The following PGM2L1 variants were observed in gnomAD, a reference collection of about 807,000 sequenced individuals.
PGM2L1 encodes glucose 1,6-bisphosphate synthase.
PGM2L1 carries 35 observed loss-of-function variants against 73.4 expected under a neutral mutation model. That is an observed-to-expected ratio of 0.48 (90% CI 0.36 to 0.63). The LOEUF is 0.63. PGM2L1 is among the 30% of genes least tolerant of loss of function. The probability of loss-of-function intolerance (pLI) is 0.00; values close to 1 mark genes in which losing one functional copy is unlikely to be tolerated. For synonymous variants in PGM2L1, 225 were observed against 253.8 expected (o/e 0.89, Z 1.08); for missense variants, 570 against 742.0 (o/e 0.77, Z 2.69).
intron 5 of PGM2L1, among the ~76,000 whole-genome samples, chr11:74,367,913 C>T (rs916843661): frequency 6.6e-6 from 1 of 152,162 alleles, no homozygotes; most frequent in Non-Finnish European, 1.5e-5. Context: ...GGTATGTCTG[C>T]AGTCCTCCAA....
Position 74,342,452 on chromosome 11 carries a change from G to A in PGM2L1, c.1632+9C>T. On this transcript the variant is annotated intron_variant, in intron 12 of 13. Transcript: ENST00000298198. ...TCTAAATTGTTTGGAAAAAAAAAAA[G>A]GTACTTACTGATTTCTTATTAGGCT... 2.9e-6 allele frequency: 4 copies of A among 1,402,750 alleles called. No homozygotes were observed. The highest frequency in any genetic ancestry group is 2.8e-6 in the Non-Finnish European group (3 of 1,067,638). The allele number at this position is 1,402,750 out of a possible 1,614,324, so 86.9% of individuals were successfully genotyped here.
chr11:74,374,644 T>C, intron 1 of PGM2L1, 62 bp from the exon 2 acceptor site: 1 of 1,427,678 alleles, frequency 7.0e-7, no homozygotes. Flanking sequence ...TATTAAGCCC[T>C]TCTGAGGGGT....
chr11:74,352,201 G>C (rs538949848), intron 5 of PGM2L1, among the ~76,000 whole-genome samples: 10 of 152,130 alleles, frequency 6.6e-5, no homozygotes, highest in African/African-American at 2.4e-4. Context: ...ATATGCATAT[G>C]CCATAGTATC....
chr11:74,346,694 A>C, intron 8 of PGM2L1, 38 bp downstream of exon 8: 1 of 1,512,042 alleles, frequency 6.6e-7, no homozygotes, highest in Non-Finnish European at 9.2e-7. Flanking sequence ...TTGCTTTTCA[A>C]AGTTCAAGCT....
At chr11:74,353,115 C>T (rs958847391) in intron 5 of PGM2L1, among the ~76,000 whole-genome samples, 14 of 152,066 alleles carry the variant, frequency 9.2e-5, no homozygotes. Flanking sequence ...GAAACTGCCC[C>T]CAGTCAGTGA....
Position 74,398,074 on chromosome 11 carries a change from C to T in PGM2L1, c.88G>A (p.Gly30Arg). The change falls in exon 1 of 14, where the codon GGG (glycine) becomes AGG (arginine). Residue 30 changes from glycine (G) to arginine (R), a missense_variant. By Grantham distance (125) the Gly-to-Arg change is moderately radical. Coordinates refer to ENST00000298198, the MANE Select transcript of PGM2L1 (RefSeq NM_173582.6). The stretch of plus-strand genomic sequence containing the variant: ...ACCTTATCCCAGCGGAGCCACTGCC[C>T]GATGGCCGTGTCCAGCTGAGGGTCC... ...TGDPQLDTAI[G>R]QWLRWDKNPK... The T allele has an allele frequency of 1.2e-6, 2 of 1,611,642 alleles. No homozygotes were observed. Among genetic ancestry groups the T allele is most frequent in the Non-Finnish European group, 1.7e-6 (2 of 1,178,628 alleles).
intron 5 of PGM2L1, among the ~76,000 whole-genome samples, chr11:74,363,046 C>A (rs1417540895): frequency 6.6e-6 from 1 of 152,144 alleles, no homozygotes; most frequent in Non-Finnish European, 1.5e-5. Context: ...GTCTCTCAGA[C>A]CACAGTGCAA....
At position 74,393,817 on chromosome 11, in the gene PGM2L1, C is replaced by A. The variant is rs541626764; in HGVS notation, c.111+4234G>T. On this transcript the variant is annotated intron_variant, in intron 1 of 13. Transcript: ENST00000298198. Reference sequence around the variant, plus strand: ...CCCAGCTCTATTCCCCATCCAGCCACTGACCCCATCCACTTTGCCAGTGCC... The same window carrying A: ...CCCAGCTCTATTCCCCATCCAGCCAATGACCCCATCCACTTTGCCAGTGCC... Among the ~76,000 whole-genome samples, 6 of 152,334 alleles carry A rather than the reference C, an allele frequency of 3.9e-5. No individual in the cohort carries two copies. The East Asian group carries it at 1.2e-3, about 29-fold the overall frequency.
intron 5 of PGM2L1, chr11:74,355,016 A>T: frequency 7.7e-7 from 1 of 1,290,490 alleles, no homozygotes; most frequent in East Asian, 2.3e-5. Flanking sequence ...CTAGTGCTTC[A>T]TCCAGCCAAA....
At chr11:74,368,633 C>T in intron 4 of PGM2L1, 58 bp from the exon 5 acceptor site, 1 of 1,363,146 alleles carries the variant, frequency 7.3e-7, no homozygotes, top group Non-Finnish European at 1.0e-6. Context: ...ACACATTTGA[C>T]ATGAGAATAA....
Position 74,346,223 on chromosome 11 carries a change from C to CATT in PGM2L1, c.1037+506_1037+508dup, listed in dbSNP as rs1398325559. ...AGGCTGCAGTGAGCCAAGATAGCAC[C>CATT]ATTGCACTCCACTCCAGCCTAAGCA... On this transcript the variant is annotated intron_variant, in intron 8 of 13. Coordinates refer to ENST00000298198, the MANE Select transcript of PGM2L1 (RefSeq NM_173582.6). Among the ~76,000 whole-genome samples the CATT allele has an allele frequency of 1.8e-4, 23 of 129,176 alleles. No individual in the cohort carries two copies. The Admixed American group carries it at 2.1e-3, about 12-fold the overall frequency. The allele number at this position is 129,176 out of a possible 152,430, so 84.7% of individuals were successfully genotyped here. A position where few individuals can be genotyped will look rare whatever the true frequency, so the allele number is the denominator to read the frequency against.
intron 12 of PGM2L1, among the ~76,000 whole-genome samples, chr11:74,342,028 A>G (rs1862190375): frequency 1.3e-5 from 2 of 152,210 alleles, no homozygotes; most frequent in African/African-American, 4.8e-5. Context: ...GAGGGGAACT[A>G]GAGGTTGCTT....
intron 13 of PGM2L1, 75 bp downstream of exon 13, chr11:74,338,393 G>A: frequency 7.6e-7 from 1 of 1,311,966 alleles, no homozygotes; most frequent in South Asian, 2.0e-5. Flanking sequence ...CATTTTAAGT[G>A]CGTGAGCTGT....
chr11:74,364,150 G>T (rs1862613724), intron 5 of PGM2L1, among the ~76,000 whole-genome samples: 1 of 152,152 alleles, frequency 6.6e-6, no homozygotes, highest in Admixed American at 6.5e-5. Flanking sequence ...AAAGGCCTTT[G>T]ACAAAATTCA....
chr11:74,341,552 C>T (rs1369276049), intron 12 of PGM2L1, among the ~76,000 whole-genome samples: 4 of 151,876 alleles, frequency 2.6e-5, no homozygotes, highest in East Asian at 1.9e-4. Flanking sequence ...ATTAGTCAGG[C>T]GTGGTGACAT....
chr11:74,366,439 C>A, intron 5 of PGM2L1, among the ~76,000 whole-genome samples: 2 of 134,960 alleles, frequency 1.5e-5, no homozygotes, highest in African/African-American at 2.7e-5. Flanking sequence ...GCCTGGGCAA[C>A]AGAGTGAGAC....
In PGM2L1 at chr11:74,398,215, G is replaced by C. The variant is rs1243166848; in HGVS notation, c.-54C>G. 2 of 1,552,936 alleles carry C rather than the reference G, an allele frequency of 1.3e-6. No homozygotes were observed. Among genetic ancestry groups the C allele is most frequent in the South Asian group, 1.2e-5 (1 of 82,056 alleles). ...GCCGGCGAAGACACTGAGTTGGGGT[G>C]GGGGGTGGCTTGGGGTTCGCTCACC... On this transcript the variant is annotated 5_prime_UTR_variant, in exon 1 of 14. Coordinates refer to ENST00000298198, the MANE Select transcript of PGM2L1 (RefSeq NM_173582.6).
chr11:74,389,947 C>CAAAAAAAAAAAAAAAAAAAA (rs71065078), intron 1 of PGM2L1, among the ~76,000 whole-genome samples: 4 of 38,576 alleles, frequency 1.0e-4, no homozygotes, highest in Admixed American at 3.8e-4. Context: ...ACTAAAAATA[C>CAAAAAAAAAAAAAAAAAAAA]AAAAAAAAAA....
At chr11:74,364,691 A>T (rs2134919646) in intron 5 of PGM2L1, among the ~76,000 whole-genome samples, 1 of 152,294 alleles carries the variant, frequency 6.6e-6, no homozygotes, top group East Asian at 1.9e-4. Flanking sequence ...AGAACTACAA[A>T]CCACTACTCA....
Sources: allele counts gnomAD v4.1 joint callset (sites outside exome capture counted in the v4.1 genomes callset), GRCh38; gene constraint gnomAD v4.1.1; transcripts MANE v1.5; gene names NCBI Gene and HGNC (gene_info 2026-07-23, HGNC 2026-07-21).